Variants in SERPINB7 observed in about 807,000 individuals in gnomAD.
SERPINB7 encodes serpin family B member 7, also known as serpin B7.
Under a neutral mutation model 37.4 loss-of-function variants are expected in SERPINB7, and 31 were observed. The observed-to-expected ratio is 0.83, with a 90% confidence interval of 0.62 to 1.12. The LOEUF (loss-of-function observed/expected upper bound fraction) is 1.12. SERPINB7 is among the 50% of genes most tolerant of loss of function. SERPINB7 has a pLI of 0.00. For synonymous variants in SERPINB7, 163 were observed against 166.1 expected, an observed-to-expected ratio of 0.98 and a Z score of 0.14; for missense variants, 521 against 455.3, an observed-to-expected ratio of 1.14 and a Z score of -1.31.
At chr18:63,756,092 TAC>T (rs5825530) in intron 1 of SERPINB7, among the ~76,000 whole-genome samples, 121,459 of 148,700 alleles carry the variant, frequency 0.82, 50,198 homozygotes, top group East Asian at 0.95. Context: ...ATATAGGGTT[TAC>T]ACACACACAC....
At chr18:63,760,061 T>A (rs1002148545) in intron 1 of SERPINB7, among the ~76,000 whole-genome samples, 4 of 151,998 alleles carry the variant, frequency 2.6e-5, no homozygotes, top group African/African-American at 4.8e-5. Flanking sequence ...GTTGGAATAG[T>A]TTGGAGGGCT....
upstream of SERPINB7, among the ~76,000 whole-genome samples, chr18:63,772,239 A>G (rs936398407): frequency 5.3e-5 from 8 of 152,122 alleles, no homozygotes; most frequent in African/African-American, 1.4e-4. Flanking sequence ...CTATCTATCT[A>G]TCTATTAATA....
At position 63,798,845 on chromosome 18, in the gene SERPINB7, T is replaced by G. The variant is rs1568214578; in HGVS notation, c.597+99T>G. On this transcript the variant is annotated intron_variant, in intron 6 of 7. Transcript: ENST00000398019. The stretch of plus-strand genomic sequence containing the variant: ...ATAGTAAACTCTAGGTTCACCGTTT[T>G]AAACCCATTTCTTCTTTTGCATTAC... 7 of 1,267,458 alleles carry G rather than the reference T, an allele frequency of 5.5e-6. No homozygotes were observed. In the East Asian group the frequency reaches 1.5e-4, roughly 27 times the overall value. The allele number at this position is 1,267,458 out of a possible 1,614,324, so 78.5% of individuals were successfully genotyped here. A position where few individuals can be genotyped will look rare whatever the true frequency, so the allele number is the denominator to read the frequency against.
At chr18:63,769,586 T>A (rs969507474) in intron 1 of SERPINB7, among the ~76,000 whole-genome samples, 1 of 152,140 alleles carries the variant, frequency 6.6e-6, no homozygotes, top group East Asian at 1.9e-4. Context: ...CCTGTTTAAA[T>A]CTACTTTTTA....
chr18:63,776,922 A>T (rs1223329064), intron 1 of SERPINB7, among the ~76,000 whole-genome samples: 1 of 151,976 alleles, frequency 6.6e-6, no homozygotes, highest in Admixed American at 6.6e-5. Flanking sequence ...CATGTGTTCA[A>T]TATATTCTAA....
chr18:63,785,337 G>A (rs2049353440), intron 2 of SERPINB7, among the ~76,000 whole-genome samples: 1 of 152,062 alleles, frequency 6.6e-6, no homozygotes, highest in Non-Finnish European at 1.5e-5. Flanking sequence ...CATTCCCATG[G>A]ATCTGTGTTT....
chr18:63,790,622 T>C (rs989933962), intron 2 of SERPINB7, among the ~76,000 whole-genome samples: 2 of 152,186 alleles, frequency 1.3e-5, no homozygotes, highest in Admixed American at 6.5e-5. Context: ...ATATCGAATA[T>C]TAGAGATAGT....
chr18:63,758,156 C>T (rs1240376148), intron 1 of SERPINB7, among the ~76,000 whole-genome samples: 2 of 152,100 alleles, frequency 1.3e-5, no homozygotes, highest in Admixed American at 1.3e-4. Flanking sequence ...ATTGTCATTG[C>T]CAACTTTGGC....
At chr18:63,773,898 T>G (rs2049226253), upstream of SERPINB7, among the ~76,000 whole-genome samples, 1 of 152,120 alleles carries the variant, frequency 6.6e-6, no homozygotes, top group Non-Finnish European at 1.5e-5. Flanking sequence ...TGACTCTTGG[T>G]AATTCCAAGA....
At position 63,804,297 on chromosome 18, in the gene SERPINB7, T is replaced by C. The variant is rs2049581522; in HGVS notation, c.805T>C (p.Ser269Pro). The change falls in exon 8 of 8, where the codon TCT (serine) becomes CCT (proline). Residue 269 changes from serine to proline, a missense_variant. Ser to Pro is a moderately conservative substitution (Grantham distance 74). Coordinates refer to ENST00000398019, the MANE Select transcript of SERPINB7 (RefSeq NM_003784.4). ...ATGGACCAATCCAAGGCGAATGACC[T>C]CTAAGTATGTTGAGGTATTTTTTCC... is the stretch of plus-strand genomic sequence containing the variant. ...MEWTNPRRMT[S>P]KYVEVFFPQF... 2 of 1,610,782 alleles carry C rather than the reference T, an allele frequency of 1.2e-6. No individual in the cohort carries two copies. Among genetic ancestry groups the C allele is most frequent in the African/African-American group, 2.7e-5 (2 of 74,772 alleles).
intron 4 of SERPINB7, among the ~76,000 whole-genome samples, chr18:63,794,127 T>A (rs2049459924): frequency 7.0e-6 from 1 of 143,142 alleles, no homozygotes; most frequent in African/African-American, 2.6e-5. Context: ...TTTTTTTTTT[T>A]TTTTTTGTAT....
chr18:63,755,737 TA>T (rs956195001), intron 1 of SERPINB7, among the ~76,000 whole-genome samples: 2 of 151,162 alleles, frequency 1.3e-5, no homozygotes, highest in Non-Finnish European at 1.5e-5. Flanking sequence ...TACAAAAAAT[TA>T]AAAAAAATAG....
chr18:63,753,446 A>C (rs1209952915), intron 1 of SERPINB7, among the ~76,000 whole-genome samples: 3 of 152,218 alleles, frequency 2.0e-5, no homozygotes, highest in African/African-American at 7.2e-5. Context: ...AAAAGTGCCT[A>C]CTGACGGCTG....
At position 63,775,471 on chromosome 18, in the gene SERPINB7, A is replaced by G. The variant is rs927624244; in HGVS notation, c.-264A>G. On this transcript the variant is annotated 5_prime_UTR_variant, in exon 1 of 8. Transcript: ENST00000398019. ...CAGGCTGCACCTTTGGACAGCCTTT[A>G]AAACTGAATTCTCAGAATTTTAGAA... The G allele has an allele frequency of 2.0e-5, 3 of 152,186 alleles. No homozygotes were observed. The highest frequency in any genetic ancestry group is 1.3e-4 in the Admixed American group (2 of 15,284). 9.4% of individuals were successfully genotyped at this position (152,186 alleles called of 1,614,324 possible).
At chr18:63,757,689 A>G (rs2049129684) in intron 1 of SERPINB7, among the ~76,000 whole-genome samples, 1 of 152,242 alleles carries the variant, frequency 6.6e-6, no homozygotes, top group South Asian at 2.1e-4. Context: ...AGCCAGACAT[A>G]TTTACTATTT....
intron 2 of SERPINB7, among the ~76,000 whole-genome samples, chr18:63,789,321 T>A (rs1322166623): frequency 6.6e-6 from 1 of 152,212 alleles, no homozygotes; most frequent in Non-Finnish European, 1.5e-5. Flanking sequence ...TGGACAGTAA[T>A]GACTTTCATT....
At chr18:63,773,273 A>C (rs756285602), upstream of SERPINB7, among the ~76,000 whole-genome samples, 6 of 152,118 alleles carry the variant, frequency 3.9e-5, no homozygotes, top group Non-Finnish European at 8.8e-5. Context: ...CAATGTCTGG[A>C]ATTTGGACCA....
intron 1 of SERPINB7, among the ~76,000 whole-genome samples, chr18:63,767,012 A>G (rs2049184229): frequency 6.6e-6 from 1 of 152,048 alleles, no homozygotes. Context: ...CTCCATCTCC[A>G]CTGCTACATC....
chr18:63,764,208 A>G (rs1273833033), intron 1 of SERPINB7, among the ~76,000 whole-genome samples: 1 of 152,200 alleles, frequency 6.6e-6, no homozygotes, highest in African/African-American at 2.4e-5. Flanking sequence ...GTGGTTCCCA[A>G]TATCTTGGGT....
Sources: gnomAD v4.1 joint callset for allele counts (sites outside exome capture counted in the v4.1 genomes callset) on GRCh38, gnomAD v4.1.1 for gene constraint, MANE v1.5 for transcripts, NCBI Gene and HGNC (gene_info 2026-07-23, HGNC 2026-07-21) for gene names.